Variants in RFTN1 observed in about 807,000 individuals in gnomAD.
The protein encoded by RFTN1 is raftlin.
In RFTN1, 26 loss-of-function variants were observed where a neutral mutation model predicts 46.5. The observed-to-expected ratio is 0.56, with a 90% confidence interval of 0.41 to 0.78. RFTN1 has a LOEUF of 0.78. Ranked by LOEUF, RFTN1 falls within the 30% of genes least tolerant of loss-of-function variation. The pLI, the probability that RFTN1 is intolerant of heterozygous loss-of-function variation, is 0.00. For synonymous variants in RFTN1, 261 were observed against 284.2 expected, an observed-to-expected ratio of 0.92 and a Z score of 0.82; for missense variants, 693 against 718.7, an observed-to-expected ratio of 0.96 and a Z score of 0.41.
rs1361443994 is a variant in RFTN1, at chr3:16,440,434, C to T, written c.146-6397G>A. Among the ~76,000 whole-genome samples, 1 of 152,106 alleles carries T rather than the reference C, an allele frequency of 6.6e-6. No homozygotes were observed. Among genetic ancestry groups the T allele is most frequent in the Non-Finnish European group, 1.5e-5 (1 of 68,016 alleles). ...TGGCCAGGCTGGTCTTGAACTCCTG[C>T]CCATCTTCATCCCATACCAGGGCTT... On this transcript the variant is annotated intron_variant, in intron 2 of 9. Coordinates refer to ENST00000334133, the MANE Select transcript of RFTN1 (RefSeq NM_015150.2). The surrounding 1 kb of genome is among the most constrained non-coding windows in gnomAD (Gnocchi z 4.6).
chr3:16,401,557 A>G (rs938746515), intron 4 of RFTN1, among the ~76,000 whole-genome samples: 5 of 152,174 alleles, frequency 3.3e-5, no homozygotes, highest in African/African-American at 1.2e-4. Context: ...TTCTCAAAGC[A>G]TGCTCTTCCC....
chr3:16,505,334 G>A (rs1575386179), intron 1 of RFTN1, among the ~76,000 whole-genome samples: 1 of 152,238 alleles, frequency 6.6e-6, no homozygotes, highest in Middle Eastern at 3.4e-3. Context: ...GAACTCTCCA[G>A]GCACCACCCT....
At chr3:16,349,738 A>G (rs1353286367) in intron 7 of RFTN1, 1 of 152,274 alleles carries the variant, frequency 6.6e-6, no homozygotes, top group Non-Finnish European at 1.5e-5. Flanking sequence ...CAGCATTTGT[A>G]TCTGATTCAT....
chr3:16,390,083 T>C (rs1292738287), intron 4 of RFTN1, among the ~76,000 whole-genome samples: 1 of 152,228 alleles, frequency 6.6e-6, no homozygotes, highest in African/African-American at 2.4e-5. Flanking sequence ...GTTGATACCA[T>C]GTGAAATGGA....
In RFTN1 at chr3:16,370,075, C is replaced by T; in HGVS notation, c.1030+1G>A. On this transcript the variant is annotated splice_donor_variant, in intron 6 of 9. Coordinates refer to ENST00000334133, the MANE Select transcript of RFTN1 (RefSeq NM_015150.2). LOFTEE classifies it high-confidence loss of function. The surrounding 1 kb of genome is among the most constrained non-coding windows in gnomAD (Gnocchi z 5.5). ...CCAAGGACTGTGAATTCCAAACATACCATTCACTATTCCAAGGTAGAAGAC... is the reference window on the plus strand; with the variant it reads ...CCAAGGACTGTGAATTCCAAACATATCATTCACTATTCCAAGGTAGAAGAC... 1.2e-6 allele frequency: 2 copies of T among 1,613,836 alleles called. No homozygotes were observed. The highest frequency in any genetic ancestry group is 2.2e-5 in the East Asian group (1 of 44,880).
chr3:16,470,672 C>T (rs7635342), intron 2 of RFTN1, among the ~76,000 whole-genome samples: 15,941 of 152,148 alleles, frequency 0.1, 937 homozygotes, highest in Middle Eastern at 0.16. Flanking sequence ...TCAGCTGCCA[C>T]CCAAGAGACA....
chr3:16,342,849 T>G lies in RFTN1; in HGVS notation c.1146+15083A>C, dbSNP rs2071403378. On this transcript the variant is annotated intron_variant, in intron 7 of 9. Coordinates refer to ENST00000334133, the MANE Select transcript of RFTN1 (RefSeq NM_015150.2). This position sits in a 1 kb window ranked among gnomAD's most constrained non-coding sequence, Gnocchi z 4.0. The stretch of plus-strand genomic sequence containing the variant: ...AGTGGCTGCTAGGCCTGGCTGAATT[T>G]TTTACATGCAGTTCCCTAATCTCCA... Among the ~76,000 whole-genome samples the G allele has an allele frequency of 6.6e-6, 1 of 152,098 alleles. No homozygotes were observed. The highest frequency in any genetic ancestry group is 6.5e-5 in the Admixed American group (1 of 15,280).
intron 7 of RFTN1, among the ~76,000 whole-genome samples, chr3:16,328,332 C>G (rs755480983): frequency 3.9e-5 from 6 of 152,212 alleles, no homozygotes; most frequent in Admixed American, 6.5e-5. Flanking sequence ...CTGGAGTGCT[C>G]CACTCAGAAG....
At position 16,479,019 on chromosome 3, in the gene RFTN1, A is replaced by T. The variant is rs2076325927; in HGVS notation, c.145+14706T>A. Among the ~76,000 whole-genome samples, 2 of 152,228 alleles carry T rather than the reference A, an allele frequency of 1.3e-5. No individual in the cohort carries two copies. The highest frequency in any genetic ancestry group is 2.4e-5 in the African/African-American group (1 of 41,456). On this transcript the variant is annotated intron_variant, in intron 2 of 9. Coordinates refer to ENST00000334133, the MANE Select transcript of RFTN1 (RefSeq NM_015150.2). This position sits in a 1 kb window ranked among gnomAD's most constrained non-coding sequence, Gnocchi z 5.1. ...CTAGGTACACAAGGCCGTGGATACC[A>T]GTAGGCAGGGGTCACTGGGGGCCAT... is the stretch of plus-strand genomic sequence containing the variant.
Position 16,474,852 on chromosome 3 carries a change from G to A in RFTN1, c.145+18873C>T, listed in dbSNP as rs2076256232. Among the ~76,000 whole-genome samples the A allele has an allele frequency of 6.6e-6, 1 of 152,176 alleles. No individual in the cohort carries two copies. Among genetic ancestry groups the A allele is most frequent in the Non-Finnish European group, 1.5e-5 (1 of 68,026 alleles). ...ATCAGTTCTATTTCTTCCCCAGCCAGAATACACAGGACTAGCCATCAAGGG... is the reference window on the plus strand; with the variant it reads ...ATCAGTTCTATTTCTTCCCCAGCCAAAATACACAGGACTAGCCATCAAGGG... On this transcript the variant is annotated intron_variant, in intron 2 of 9. Coordinates refer to ENST00000334133, the MANE Select transcript of RFTN1 (RefSeq NM_015150.2). This position sits in a 1 kb window ranked among gnomAD's most constrained non-coding sequence, Gnocchi z 5.5.
chr3:16,469,740 A>G (rs1365555239), intron 2 of RFTN1, among the ~76,000 whole-genome samples: 1 of 152,240 alleles, frequency 6.6e-6, no homozygotes, highest in Non-Finnish European at 1.5e-5. Flanking sequence ...CTCACCTTGA[A>G]CATGAAGCTA....
At chr3:16,511,980 G>T (rs1165284961) in intron 1 of RFTN1, among the ~76,000 whole-genome samples, 1 of 152,068 alleles carries the variant, frequency 6.6e-6, no homozygotes, top group South Asian at 2.1e-4. Flanking sequence ...CTGGGGCTTT[G>T]AATCACTCAG....
intron 2 of RFTN1, among the ~76,000 whole-genome samples, chr3:16,461,351 G>A (rs1228991955): frequency 2.0e-5 from 3 of 152,076 alleles, no homozygotes; most frequent in Admixed American, 6.5e-5. Context: ...AAACTCTTCC[G>A]TGAATAATCA....
chr3:16,488,379 G>A (rs780332657), intron 2 of RFTN1, among the ~76,000 whole-genome samples: 15 of 152,122 alleles, frequency 9.9e-5, no homozygotes, highest in Non-Finnish European at 1.8e-4. Flanking sequence ...GATTACAGGC[G>A]TGAGCCACTG....
chr3:16,350,827 A>C (rs1408866685), intron 7 of RFTN1, among the ~76,000 whole-genome samples: 1 of 152,222 alleles, frequency 6.6e-6, no homozygotes. Context: ...ATGATCTCAG[A>C]ACCAAAGTAA....
At position 16,512,897 on chromosome 3, in the gene RFTN1, A is replaced by G. The variant is rs574663240; in HGVS notation, c.-9+545T>C. 1 of 152,376 alleles carries G rather than the reference A, an allele frequency of 6.6e-6. No individual in the cohort carries two copies. Among genetic ancestry groups the G allele is most frequent in the South Asian group, 2.1e-4 (1 of 4,824 alleles). 9.4% of individuals were successfully genotyped at this position (152,376 alleles called of 1,614,324 possible). Reference sequence around the variant, plus strand: ...GCGGCATGTCTGCTCCTACACGTCCAGCACCTCTGTCCCCAGAGCAAACCC... The same window carrying G: ...GCGGCATGTCTGCTCCTACACGTCCGGCACCTCTGTCCCCAGAGCAAACCC... On this transcript the variant is annotated intron_variant, in intron 1 of 9. Coordinates refer to ENST00000334133, the MANE Select transcript of RFTN1 (RefSeq NM_015150.2). The surrounding 1 kb of genome is among the most constrained non-coding windows in gnomAD (Gnocchi z 4.3).
At position 16,468,998 on chromosome 3, in the gene RFTN1, TGGA is replaced by T. The variant is rs1431261953; in HGVS notation, c.145+24724_145+24726del. ...TCGCATCTGACACTGGCCACTAAGG[TGGA>T]GTTTCCTTTGGCCACAGGCCACTAA... is the stretch of plus-strand genomic sequence containing the variant. On this transcript the variant is annotated intron_variant, in intron 2 of 9. Transcript: ENST00000334133. The surrounding 1 kb of genome is among the most constrained non-coding windows in gnomAD (Gnocchi z 4.4). Among the ~76,000 whole-genome samples the T allele has an allele frequency of 2.0e-5, 3 of 152,224 alleles. No homozygotes were observed.
chr3:16,375,110 C>G (rs2073706237), intron 5 of RFTN1, among the ~76,000 whole-genome samples: 1 of 152,100 alleles, frequency 6.6e-6, no homozygotes, highest in Admixed American at 6.6e-5. Flanking sequence ...TTAAGCCCAC[C>G]TGGCAGAAGA....
At position 16,433,307 on chromosome 3, in the gene RFTN1, C is replaced by T. The variant is rs575861001; in HGVS notation, c.332+544G>A. 3.3e-5 allele frequency among the ~76,000 whole-genome samples: 5 copies of T among 152,166 alleles called. No individual in the cohort carries two copies. In the South Asian group the frequency reaches 1.0e-3, roughly 32 times the overall value. The stretch of plus-strand genomic sequence containing the variant: ...AGCCAAACTGAAAAACATCCCCAAG[C>T]CCTGAAAATCTAAATCAAGACCAAA... On this transcript the variant is annotated intron_variant, in intron 3 of 9. Transcript: ENST00000334133. The surrounding 1 kb of genome is among the most constrained non-coding windows in gnomAD (Gnocchi z 4.4).
Sources: allele counts gnomAD v4.1 joint callset (sites outside exome capture counted in the v4.1 genomes callset), GRCh38; gene constraint gnomAD v4.1.1; non-coding constraint Gnocchi (gnomAD v3.1); transcripts MANE v1.5; gene names NCBI Gene and HGNC (gene_info 2026-07-23, HGNC 2026-07-21).